The following RALA variants were observed in gnomAD, a reference collection of about 807,000 sequenced individuals.
RALA encodes ras-related protein Ral-A.
A neutral mutation model predicts 24.0 loss-of-function variants in RALA; 5 were observed. The observed-to-expected ratio is 0.21, with a 90% CI of 0.11 to 0.44. RALA has a LOEUF of 0.44. Among genes scored for constraint, RALA ranks in the 20% least tolerant of loss-of-function variants. RALA has a pLI of 0.99. For synonymous variants in RALA, 77 were observed against 83.8 expected, an observed-to-expected ratio of 0.92 and a Z score of 0.44; for missense variants, 95 against 241.2, an observed-to-expected ratio of 0.39 and a Z score of 4.01.
chr7:39,630,049 T>G (rs1791564987), intron 1 of RALA, among the ~76,000 whole-genome samples: 1 of 151,920 alleles, frequency 6.6e-6, no homozygotes, highest in Non-Finnish European at 1.5e-5. Flanking sequence ...TTTTTTCTTT[T>G]TTTTGAGACA....
At chr7:39,627,564 G>A (rs1261563462) in intron 1 of RALA, among the ~76,000 whole-genome samples, 1 of 152,160 alleles carries the variant, frequency 6.6e-6, no homozygotes, top group African/African-American at 2.4e-5. Context: ...TTATAAAATG[G>A]CGTATACTCC....
intron 1 of RALA, among the ~76,000 whole-genome samples, chr7:39,628,002 T>G (rs35774126): frequency 0.19 from 28,950 of 151,914 alleles, 3,201 homozygotes; most frequent in South Asian, 0.3. Flanking sequence ...ACCTAACCCT[T>G]TAGCCTTATC....
chr7:39,686,510 C>G, intron 1 of RALA, 121 bp from the exon 2 acceptor site: 1 of 557,048 alleles, frequency 1.8e-6, no homozygotes, highest in Non-Finnish European at 3.2e-6. Context: ...CATTTGCCAT[C>G]TGTTTAAAAT....
At chr7:39,660,639 G>A (rs1346963035) in intron 1 of RALA, among the ~76,000 whole-genome samples, 3 of 152,140 alleles carry the variant, frequency 2.0e-5, no homozygotes, top group South Asian at 4.2e-4. Context: ...TTGGAATACA[G>A]TTGACCCTTG....
chr7:39,661,003 C>G (rs1347201488), intron 1 of RALA, among the ~76,000 whole-genome samples: 2 of 152,004 alleles, frequency 1.3e-5, no homozygotes, highest in African/African-American at 4.8e-5. Context: ...GCTGGAGAGA[C>G]CTCACAATCA....
intron 1 of RALA, among the ~76,000 whole-genome samples, chr7:39,681,577 CTCAG>C (rs1419768666): frequency 2.0e-5 from 3 of 152,100 alleles, no homozygotes; most frequent in African/African-American, 7.2e-5. Context: ...CATATCTCAC[CTCAG>C]TCGGTCGGCA....
At position 39,623,658 on chromosome 7, in the gene RALA, C is replaced by A; in HGVS notation, c.-205C>A. 1 of 147,664 alleles carries A rather than the reference C, an allele frequency of 6.8e-6. No individual in the cohort carries two copies. The highest frequency in any genetic ancestry group is 1.8e-4 in the South Asian group (1 of 5,606). The allele number at this position is 147,664 out of a possible 1,614,324, so 9.1% of individuals were successfully genotyped here. ...TCCTCCTCCTCCTTCTCCTCCTCCT[C>A]CTCCTCCTCCTCCAGCCGCCCAGGC... On this transcript the variant is annotated 5_prime_UTR_variant, in exon 1 of 5. Transcript: ENST00000005257. This position sits in a 1 kb window ranked among gnomAD's most constrained non-coding sequence, Gnocchi z 4.9.
chr7:39,655,641 G>T (rs1393170450), intron 1 of RALA, among the ~76,000 whole-genome samples: 2 of 151,952 alleles, frequency 1.3e-5, no homozygotes, highest in African/African-American at 4.8e-5. Flanking sequence ...AAAAAGGTAT[G>T]TAGATCTGAA....
At chr7:39,685,786 T>C (rs1365786771) in intron 1 of RALA, among the ~76,000 whole-genome samples, 3 of 152,272 alleles carry the variant, frequency 2.0e-5, no homozygotes, top group Non-Finnish European at 2.9e-5. Context: ...CACCAAGTTG[T>C]TGGGATGGGA....
intron 3 of RALA, among the ~76,000 whole-genome samples, chr7:39,693,961 T>C (rs977670944): frequency 1.3e-5 from 2 of 152,244 alleles, no homozygotes; most frequent in African/African-American, 4.8e-5. Flanking sequence ...CTATGAGTGT[T>C]GAATGTGTTA....
intron 1 of RALA, among the ~76,000 whole-genome samples, chr7:39,630,645 C>G (rs898364960): frequency 6.6e-6 from 1 of 152,104 alleles, no homozygotes; most frequent in Non-Finnish European, 1.5e-5. Context: ...CATATAGTTT[C>G]ATTTCTCACA....
At chr7:39,683,710 T>C (rs1217557262) in intron 1 of RALA, among the ~76,000 whole-genome samples, 1 of 152,130 alleles carries the variant, frequency 6.6e-6, no homozygotes, top group African/African-American at 2.4e-5. Context: ...TAGGAAATGT[T>C]TGCACTTTGG....
In RALA at chr7:39,696,703, A is replaced by G. The variant is rs1220259341; in HGVS notation, c.342A>G (p.Val114=). 3.1e-6 allele frequency: 5 copies of G among 1,603,616 alleles called. No homozygotes were observed. In the African/African-American group the frequency reaches 4.0e-5, roughly 13 times the overall value. Residue 114 remains valine, a synonymous_variant, in exon 4 of 5, where the codon GTA becomes GTG. Transcript: ENST00000005257. ...TATCCAGGGAGCAGATTTTAAGAGT[A>G]AAAGAAGATGAGAATGTTCCATTTC... The part of the protein sequence containing the change: ...TADFREQILR[V]KEDENVPFLL...
At chr7:39,702,108 G>A (rs1793039532) in intron 4 of RALA, among the ~76,000 whole-genome samples, 2 of 152,052 alleles carry the variant, frequency 1.3e-5, no homozygotes, top group Non-Finnish European at 2.9e-5. Flanking sequence ...TGTATTTTTT[G>A]GAAAATATCA....
In RALA at chr7:39,663,792, C is replaced by A. The variant is rs140234133; in HGVS notation, c.-37-22839C>A. The stretch of plus-strand genomic sequence containing the variant: ...GAAAGGCATACCTTTCCAATCTGTC[C>A]CTGGGTCTAACGAAAAAAAGCCATA... On this transcript the variant is annotated intron_variant, in intron 1 of 4. Transcript: ENST00000005257. 2.1e-3 allele frequency among the ~76,000 whole-genome samples: 313 copies of A among 152,094 alleles called. 1 individual carries two copies. The highest frequency in any genetic ancestry group is 3.4e-3 in the Middle Eastern group (1 of 294).
At chr7:39,648,068 A>G (rs916672934) in intron 1 of RALA, among the ~76,000 whole-genome samples, 1 of 152,166 alleles carries the variant, frequency 6.6e-6, no homozygotes, top group African/African-American at 2.4e-5. Context: ...AGTCAGATTT[A>G]TACTTCCCTA....
Position 39,677,516 on chromosome 7 carries a change from C to T in RALA, c.-37-9115C>T, listed in dbSNP as rs537632639. Among the ~76,000 whole-genome samples the T allele has an allele frequency of 1.8e-4, 16 of 87,738 alleles. No individual in the cohort carries two copies. In the South Asian group the frequency reaches 7.1e-3, roughly 39 times the overall value. 57.6% of individuals were successfully genotyped at this position (87,738 alleles called of 152,430 possible). A position where few individuals can be genotyped will look rare whatever the true frequency, so the allele number is the denominator to read the frequency against. On this transcript the variant is annotated intron_variant, in intron 1 of 4. Transcript: ENST00000005257. ...TGTGAATAATGCCGCAATAAACATA[C>T]GTGTGCATGTGTCTTTATAGCAGCA...
Position 39,707,599 on chromosome 7 carries a change from C to T in RALA, c.*1354C>T, listed in dbSNP as rs912339800. On this transcript the variant is annotated 3_prime_UTR_variant, in exon 5 of 5. Coordinates refer to ENST00000005257, the MANE Select transcript of RALA (RefSeq NM_005402.4). ...TTTCAGTGGGAAATATGCCACTGAC[C>T]GATTTTTTTTTTTTCCTCTTTGCAG... is the stretch of plus-strand genomic sequence containing the variant. The T allele has an allele frequency of 3.0e-5, 4 of 131,904 alleles. No individual in the cohort carries two copies. The highest frequency in any genetic ancestry group is 7.8e-5 in the African/African-American group (3 of 38,662). The allele number at this position is 131,904 out of a possible 1,614,324, so 8.2% of individuals were successfully genotyped here. A position where few individuals can be genotyped will look rare whatever the true frequency, so the allele number is the denominator to read the frequency against.
At chr7:39,695,591 T>TG (rs1483323632) in intron 3 of RALA, among the ~76,000 whole-genome samples, 2 of 152,010 alleles carry the variant, frequency 1.3e-5, no homozygotes, top group Non-Finnish European at 2.9e-5. Flanking sequence ...TTTATAGATA[T>TG]GGGGGTCTCA....
Sources: gnomAD v4.1 joint callset for allele counts (sites outside exome capture counted in the v4.1 genomes callset) on GRCh38, gnomAD v4.1.1 for gene constraint, Gnocchi (gnomAD v3.1) non-coding constraint, MANE v1.5 for transcripts, NCBI Gene and HGNC (gene_info 2026-07-23, HGNC 2026-07-21) for gene names.